Variants in SRGAP1 observed in about 807,000 individuals in gnomAD.
The protein encoded by SRGAP1 is SLIT-ROBO Rho GTPase-activating protein 1.
In SRGAP1, 43 loss-of-function variants were observed where a neutral mutation model predicts 121.9. The observed-to-expected ratio is 0.35, with a 90% CI of 0.28 to 0.46. The LOEUF (loss-of-function observed/expected upper bound fraction) is 0.46. SRGAP1 is among the 20% of genes least tolerant of loss of function. SRGAP1 has a pLI of 1.00. For missense variants in SRGAP1, 1,102 were observed against 1,350.9 expected, an observed-to-expected ratio of 0.82 and a Z score of 2.89; for synonymous variants, 447 against 485.4, an observed-to-expected ratio of 0.92 and a Z score of 1.04.
chr12:64,113,178 C>A (rs530346652), intron 17 of SRGAP1, among the ~76,000 whole-genome samples: 1 of 151,866 alleles, frequency 6.6e-6, no homozygotes. Context: ...GAGGCTGAGG[C>A]AGGCAGATCA....
intron 4 of SRGAP1, chr12:64,032,561 C>T (rs2034803936): frequency 2.0e-6 from 2 of 1,001,188 alleles, no homozygotes; most frequent in Non-Finnish European, 3.1e-6. Flanking sequence ...TTGACCAGAG[C>T]CACGGACCTA....
At chr12:63,899,634 C>T (rs1211581481) in intron 1 of SRGAP1, among the ~76,000 whole-genome samples, 1 of 152,192 alleles carries the variant, frequency 6.6e-6, no homozygotes, top group Non-Finnish European at 1.5e-5. Flanking sequence ...GTTTGAACAG[C>T]TGGCCACCTT....
chr12:63,913,038 T>A (rs2136318501), intron 1 of SRGAP1, among the ~76,000 whole-genome samples: 1 of 152,102 alleles, frequency 6.6e-6, no homozygotes, highest in East Asian at 1.9e-4. Flanking sequence ...AGGCTTGTGT[T>A]TAGCTTATAA....
intron 3 of SRGAP1, among the ~76,000 whole-genome samples, chr12:63,992,729 A>G (rs184190227): frequency 9.9e-5 from 15 of 151,700 alleles, no homozygotes; most frequent in African/African-American, 3.6e-4. Context: ...GCAGAGAGAG[A>G]GACAGAGAGA....
intron 1 of SRGAP1, among the ~76,000 whole-genome samples, chr12:63,891,372 A>G (rs1900574517): frequency 6.6e-6 from 1 of 152,134 alleles, no homozygotes; most frequent in African/African-American, 2.4e-5. Context: ...CTTTCCTACC[A>G]TCTCCACACC....
chr12:63,891,983 C>CAAAAAAAAAAAAAAA (rs10716009), intron 1 of SRGAP1, among the ~76,000 whole-genome samples: 1 of 96,346 alleles, frequency 1.0e-5, no homozygotes, highest in Non-Finnish European at 2.1e-5. Context: ...AAGACTGTCT[C>CAAAAAAAAAAAAAAA]AAAAAAAAAA....
At chr12:64,043,322 C>G in intron 5 of SRGAP1, 125 bp from the exon 6 acceptor site, 3 of 968,386 alleles carry the variant, frequency 3.1e-6, no homozygotes, top group Non-Finnish European at 4.4e-6. Flanking sequence ...TGGCAAAGGA[C>G]TTTCAGGGTC....
intron 4 of SRGAP1, among the ~76,000 whole-genome samples, chr12:64,035,772 G>C (rs910473270): frequency 6.6e-6 from 1 of 152,140 alleles, no homozygotes; most frequent in Non-Finnish European, 1.5e-5. Context: ...GCATCTGTTG[G>C]TCTGCTTTTA....
chr12:63,849,801 A>C (rs944604896), intron 1 of SRGAP1, among the ~76,000 whole-genome samples: 2 of 152,244 alleles, frequency 1.3e-5, no homozygotes, highest in Admixed American at 6.5e-5. Flanking sequence ...GCTTAATGAC[A>C]GAGTTGCACA....
chr12:63,909,535 A>G (rs1735424496), intron 1 of SRGAP1, among the ~76,000 whole-genome samples: 2 of 152,202 alleles, frequency 1.3e-5, no homozygotes, highest in South Asian at 4.1e-4. Context: ...TATTCCTGAC[A>G]GTGATTGCCC....
chr12:64,088,273 A>G (rs1342050176), intron 11 of SRGAP1, among the ~76,000 whole-genome samples: 1 of 152,214 alleles, frequency 6.6e-6, no homozygotes. Context: ...AAAGAAGACT[A>G]TTACCTCGAC....
intron 4 of SRGAP1, among the ~76,000 whole-genome samples, chr12:64,035,042 CA>C (rs1205062501): frequency 1.6e-5 from 1 of 61,650 alleles, no homozygotes; most frequent in Non-Finnish European, 3.9e-5. Flanking sequence ...ATGCTGGGAA[CA>C]AGAAAAAAAA....
chr12:63,937,526 A>G (rs1308132093), intron 1 of SRGAP1, among the ~76,000 whole-genome samples: 1 of 152,210 alleles, frequency 6.6e-6, no homozygotes, highest in Non-Finnish European at 1.5e-5. Context: ...CTTGTCTATG[A>G]CATCTGGGCC....
chr12:64,101,015 TGTA>T (rs1006082027), intron 15 of SRGAP1, among the ~76,000 whole-genome samples: 1 of 152,164 alleles, frequency 6.6e-6, no homozygotes, highest in African/African-American at 2.4e-5. Context: ...AGGCTTAAAA[TGTA>T]GTAGGAAAGG....
At chr12:63,897,741 G>A (rs1476306899) in intron 1 of SRGAP1, among the ~76,000 whole-genome samples, 2 of 152,136 alleles carry the variant, frequency 1.3e-5, no homozygotes, top group East Asian at 1.9e-4. Context: ...GCATTTTCAT[G>A]TGTCTTTATT....
chr12:64,047,598 G>A (rs1163161535), intron 6 of SRGAP1, among the ~76,000 whole-genome samples: 1 of 152,120 alleles, frequency 6.6e-6, no homozygotes, highest in Non-Finnish European at 1.5e-5. Context: ...GCATTATAAA[G>A]AGTCAGAGAA....
chr12:63,865,723 G>C (rs1899605963), intron 1 of SRGAP1, among the ~76,000 whole-genome samples: 1 of 152,184 alleles, frequency 6.6e-6, no homozygotes, highest in South Asian at 2.1e-4. Flanking sequence ...GAAGAATTGG[G>C]CCTTTCCTAT....
intron 3 of SRGAP1, among the ~76,000 whole-genome samples, chr12:63,997,083 A>G (rs1489623890): frequency 6.6e-6 from 1 of 152,100 alleles, no homozygotes; most frequent in Non-Finnish European, 1.5e-5. Context: ...TAACTTTAAT[A>G]TAACAAGAGG....
chr12:64,067,592 G>A (rs1219436097), intron 8 of SRGAP1, among the ~76,000 whole-genome samples: 1 of 149,298 alleles, frequency 6.7e-6, no homozygotes, highest in Non-Finnish European at 1.5e-5. Context: ...CTGTAGTGGA[G>A]TGGGATTCCC....
Sources: gnomAD v4.1 joint callset for allele counts (sites outside exome capture counted in the v4.1 genomes callset) on GRCh38, gnomAD v4.1.1 for gene constraint, MANE v1.5 for transcripts, NCBI Gene and HGNC (gene_info 2026-07-23, HGNC 2026-07-21) for gene names.